Variants in TENM2 observed in about 807,000 individuals in gnomAD.
TENM2 encodes the protein teneurin-2.
Under a neutral mutation model 245.2 loss-of-function variants are expected in TENM2, and 52 were observed. The observed-to-expected ratio is 0.21, with a 90% confidence interval of 0.17 to 0.27. TENM2 has a LOEUF of 0.27. Among genes scored for constraint, TENM2 ranks in the 10% least tolerant of loss-of-function variants. The pLI is 1.00. For synonymous variants in TENM2, 1,363 were observed against 1,438.9 expected, an observed-to-expected ratio of 0.95 and a Z score of 1.19; for missense variants, 3,046 against 3,666.8, an observed-to-expected ratio of 0.83 and a Z score of 4.37.
At chr5:167,989,132 A>G (rs565582981) in intron 4 of TENM2, among the ~76,000 whole-genome samples, 3 of 152,302 alleles carry the variant, frequency 2.0e-5, no homozygotes, top group Non-Finnish European at 4.4e-5. Flanking sequence ...AGGAGTTCAC[A>G]TTCTGGTTGG....
At chr5:168,111,493 T>A (rs1376748404) in intron 9 of TENM2, among the ~76,000 whole-genome samples, 1 of 152,144 alleles carries the variant, frequency 6.6e-6, no homozygotes, top group Non-Finnish European at 1.5e-5. Flanking sequence ...TGGCTGGTGA[T>A]CTTTGCATTT....
rs71591181 is a variant in TENM2 at position 167,435,975 on chromosome 5, CT to C, written c.502+60522del. ...AAGAAATTTCTTTTTCTTTTTTTTT[CT>C]TTTTTTTTTTTTTTTTTTTGAGACA... On this transcript the variant is annotated intron_variant, in intron 2 of 28. Transcript: ENST00000518659. Among the ~76,000 whole-genome samples, 513 of 83,178 alleles carry C rather than the reference CT, an allele frequency of 6.2e-3. 2 individuals are homozygous for C. The highest frequency in any genetic ancestry group is 0.022 in the African/African-American group (428 of 19,264). 54.6% of individuals were successfully genotyped at this position (83,178 alleles called of 152,430 possible).
At chr5:167,627,848 C>G (rs553083870) in intron 2 of TENM2, among the ~76,000 whole-genome samples, 1 of 152,110 alleles carries the variant, frequency 6.6e-6, no homozygotes, top group African/African-American at 2.4e-5. Flanking sequence ...TGAGCCACCA[C>G]GCCTGGTCCG....
At chr5:167,494,409 C>T (rs1485904591) in intron 2 of TENM2, among the ~76,000 whole-genome samples, 1 of 152,034 alleles carries the variant, frequency 6.6e-6, no homozygotes, top group African/African-American at 2.4e-5. Flanking sequence ...GTCTTTTGAG[C>T]AAGGAGGTAA....
In TENM2 at chr5:167,584,103, C is replaced by T. The variant is rs534687590; in HGVS notation, c.502+208630C>T. Among the ~76,000 whole-genome samples, 4 of 152,234 alleles carry T rather than the reference C, an allele frequency of 2.6e-5. No individual in the cohort carries two copies. The East Asian group carries it at 5.8e-4, about 22-fold the overall frequency. On this transcript the variant is annotated intron_variant, in intron 2 of 28. Coordinates refer to ENST00000518659, the Ensembl canonical transcript of TENM2. ...TTGTTCATAGTCCACCTGTTACTGGCGGAGGGTCCTGACTACAAGTCATTC... is the reference window on the plus strand; with the variant it reads ...TTGTTCATAGTCCACCTGTTACTGGTGGAGGGTCCTGACTACAAGTCATTC...
At position 168,086,506 on chromosome 5, in the gene TENM2, G is replaced by A. The variant is rs187408260; in HGVS notation, c.1516-4068G>A. On this transcript the variant is annotated intron_variant, in intron 7 of 28. Coordinates refer to ENST00000518659, the Ensembl canonical transcript of TENM2. The stretch of plus-strand genomic sequence containing the variant: ...GGAGAGAACTGGGCGGGGAGAGGTG[G>A]TGTTTACTTTGGGTTATTGTGCTAT... Among the ~76,000 whole-genome samples the A allele has an allele frequency of 2.7e-3, 405 of 152,262 alleles. 4 individuals carry two copies. Among genetic ancestry groups the A allele is most frequent in the African/African-American group, 9.3e-3 (387 of 41,550 alleles).
intron 1 of TENM2, among the ~76,000 whole-genome samples, chr5:167,373,649 A>G (rs1243685659): frequency 1.3e-5 from 2 of 152,216 alleles, no homozygotes; most frequent in Non-Finnish European, 2.9e-5. Context: ...AATAAACTGC[A>G]CCAAAATGTT....
the TENM2 span, among the ~76,000 whole-genome samples, chr5:167,271,117 G>A: frequency 6.6e-6 from 1 of 152,136 alleles, no homozygotes; most frequent in South Asian, 2.1e-4. Context: ...TGGGAAGAGG[G>A]TGTTCAATCT....
the TENM2 span, among the ~76,000 whole-genome samples, chr5:167,213,495 C>T: frequency 6.6e-6 from 1 of 152,098 alleles, no homozygotes; most frequent in Non-Finnish European, 1.5e-5. Context: ...AAAGGCCCCA[C>T]CTAGTAACAC....
chr5:168,199,931 C>G (rs1317832943), exon 17 of TENM2: 1 of 1,613,964 alleles, frequency 6.2e-7, no homozygotes, highest in Admixed American at 1.7e-5. Context: ...TCTAGAACTG[C>G]AGGGTACAAG....
chr5:167,000,277 A>G, the TENM2 span, among the ~76,000 whole-genome samples: 4 of 152,308 alleles, frequency 2.6e-5, no homozygotes, highest in East Asian at 1.9e-4. Flanking sequence ...AGAAAAAAAC[A>G]TTCTATCAAA....
chr5:167,731,780 C>A lies in TENM2; in HGVS notation c.503-144206C>A, dbSNP rs537863424. On this transcript the variant is annotated intron_variant, in intron 2 of 28. Coordinates refer to ENST00000518659, the Ensembl canonical transcript of TENM2. ...AGACTACTGCATGTAGTTTTTATGTCTTTCTTTGGTAGTATAGCCTTCTCA... is the reference window on the plus strand; with the variant it reads ...AGACTACTGCATGTAGTTTTTATGTATTTCTTTGGTAGTATAGCCTTCTCA... 2.0e-3 allele frequency among the ~76,000 whole-genome samples: 281 copies of A among 139,828 alleles called. 2 individuals carry two copies. The highest frequency in any genetic ancestry group is 3.8e-4 in the Non-Finnish European group (25 of 65,024). The allele number at this position is 139,828 out of a possible 152,430, so 91.7% of individuals were successfully genotyped here.
intron 2 of TENM2, among the ~76,000 whole-genome samples, chr5:167,739,622 G>A (rs1761037157): frequency 6.6e-6 from 1 of 152,180 alleles, no homozygotes; most frequent in South Asian, 2.1e-4. Context: ...TCTTGGTGAT[G>A]ACGGACTTTA....
At chr5:167,699,819 G>A (rs1342079150) in intron 2 of TENM2, among the ~76,000 whole-genome samples, 1 of 152,126 alleles carries the variant, frequency 6.6e-6, no homozygotes, top group South Asian at 2.1e-4. Flanking sequence ...TATGCAGTAG[G>A]TTCCCCACAA....
intron 17 of TENM2, among the ~76,000 whole-genome samples, chr5:168,200,557 G>T (rs574154068): frequency 1.3e-5 from 2 of 152,292 alleles, no homozygotes; most frequent in South Asian, 2.1e-4. Context: ...AGTGTAGCTG[G>T]AGTGTAGTGG....
At chr5:167,683,287 G>C (rs1007354232) in intron 2 of TENM2, among the ~76,000 whole-genome samples, 9 of 148,604 alleles carry the variant, frequency 6.1e-5, no homozygotes, top group Non-Finnish European at 1.0e-4. Context: ...GAAATAAAAA[G>C]TCAAGAAAGT....
chr5:167,948,328 C>T (rs62384409), intron 3 of TENM2, among the ~76,000 whole-genome samples: 6,092 of 152,266 alleles, frequency 0.04, 179 homozygotes, highest in South Asian at 0.1. Context: ...ACTGGCATCC[C>T]TCTCAAAATC....
At chr5:168,260,358 A>G in exon 28 of TENM2, 1 of 1,614,048 alleles carries the variant, frequency 6.2e-7, no homozygotes, top group Non-Finnish European at 8.5e-7. Context: ...GCCAAAATGT[A>G]TTTCGTGCCT....
At chr5:168,260,451 C>T (rs1037695982) in intron 28 of TENM2, 38 bp downstream of exon 30, 7 of 1,608,178 alleles carry the variant, frequency 4.4e-6, no homozygotes, top group Non-Finnish European at 5.9e-6. Context: ...AAATGATTGT[C>T]ATCATTCCCT....
Sources: allele counts gnomAD v4.1 joint callset (sites outside exome capture counted in the v4.1 genomes callset), GRCh38; gene constraint gnomAD v4.1.1; transcripts MANE v1.5; gene names NCBI Gene and HGNC (gene_info 2026-07-23, HGNC 2026-07-21).